The following PLPPR3 variants were observed in gnomAD, a reference collection of about 807,000 sequenced individuals.
PLPPR3 encodes the protein phospholipid phosphatase related 3, also known as phospholipid phosphatase-related protein type 3.
A neutral mutation model predicts 27.3 loss-of-function variants in PLPPR3; 14 were observed. The observed-to-expected ratio is 0.51, with a 90% CI of 0.34 to 0.80. The LOEUF is 0.80. PLPPR3 is among the 30% of genes least tolerant of loss of function. The pLI is 0.01. For synonymous variants in PLPPR3, 671 were observed against 508.0 expected, an observed-to-expected ratio of 1.32 and a Z score of -4.32; for missense variants, 1,287 against 1,056.9, an observed-to-expected ratio of 1.22 and a Z score of -3.02.
chr19:814,205 G>A (rs1431396339), intron 7 of PLPPR3, among the ~76,000 whole-genome samples: 1 of 146,020 alleles, frequency 6.8e-6, no homozygotes, highest in Non-Finnish European at 1.5e-5. Flanking sequence ...AGAGCCCCTG[G>A]GCACCCATGC....
chr19:814,612 G>T lies in PLPPR3; in HGVS notation c.658-5C>A. On this transcript the variant is annotated splice_region_variant and splice_polypyrimidine_tract_variant and intron_variant, in intron 6 of 7. Coordinates refer to ENST00000520876, the MANE Select transcript of PLPPR3 (RefSeq NM_001270366.2). The stretch of plus-strand genomic sequence containing the variant: ...GATGACCGAGTTGAAGTACATCTGG[G>T]GCATGGGGGTTGGGGTCAGGGAGGG... 6.2e-7 allele frequency: 1 copy of T among 1,611,810 alleles called. No individual in the cohort carries two copies. The highest frequency in any genetic ancestry group is 8.5e-7 in the Non-Finnish European group (1 of 1,179,974).
Position 813,229 on chromosome 19 carries a change from C to T in PLPPR3, c.1498G>A (p.Gly500Ser). 2.7e-6 allele frequency: 4 copies of T among 1,486,654 alleles called. No individual in the cohort carries two copies. The highest frequency in any genetic ancestry group is 3.5e-6 in the Non-Finnish European group (4 of 1,129,970). 92.1% of individuals were successfully genotyped at this position (1,486,654 alleles called of 1,614,324 possible). Residue 500 changes from glycine to serine, a missense_variant, in exon 8 of 8, where the codon GGC becomes AGC. Physicochemically the swap from Gly to Ser is moderately conservative, Grantham distance 56. Transcript: ENST00000520876. The surrounding 1 kb of genome is among the most constrained non-coding windows in gnomAD (Gnocchi z 4.1). ...GACAGGCCGGCCCCCGTCTGCGCGC[C>T]CTCCTCCGGGATGTGCACCAGCGGC... The part of the protein sequence containing the change: ...PPPLVHIPEE[G>S]AQTGAGLSPK...
rs373010079 is a variant in PLPPR3, at chr19:815,271, G to A, written c.318C>T (p.Ala106=). The A allele has an allele frequency of 3.9e-5, 61 of 1,558,968 alleles. No homozygotes were observed. The highest frequency in any genetic ancestry group is 2.3e-4 in the African/African-American group (17 of 73,254). Residue 106 remains alanine, a synonymous_variant, in exon 4 of 8, where the codon GCC becomes GCT. Transcript: ENST00000520876. ...YCLQSRLWGR[A]GGPAGAEGSI... ...TGCCCTCCGCCCCGGCGGGCCCCCC[G>A]GCACGGCCCCACAGCCGGGACTGCA...
At chr19:819,826 C>T (rs536916754) in intron 2 of PLPPR3, among the ~76,000 whole-genome samples, 72 of 152,142 alleles carry the variant, frequency 4.7e-4, no homozygotes, top group African/African-American at 1.7e-3. Context: ...CCTGGCCTGA[C>T]ATGCAAGGAT....
Position 813,455 on chromosome 19 carries a change from G to T in PLPPR3, c.1272C>A (p.Pro424=). Residue 424 remains proline, a synonymous_variant, in exon 8 of 8, where the codon CCC becomes CCA. Transcript: ENST00000520876. This position sits in a 1 kb window ranked among gnomAD's most constrained non-coding sequence, Gnocchi z 4.1. ...GCAGGTGCCCGGGGCTGGCGTCGTC[G>T]GGCAGCCCCAGGCCGCGGCCCTCCA... is the stretch of plus-strand genomic sequence containing the variant. ...KSLEGRGLGL[P]DDASPGHLRA... The T allele has an allele frequency of 6.5e-7, 1 of 1,530,848 alleles. No homozygotes were observed. The allele number at this position is 1,530,848 out of a possible 1,614,324, so 94.8% of individuals were successfully genotyped here. A position where few individuals can be genotyped will look rare whatever the true frequency, so the allele number is the denominator to read the frequency against.
At chr19:815,155 G>C (rs952170407) in intron 4 of PLPPR3, 31 bp downstream of exon 4, 1 of 1,601,614 alleles carries the variant, frequency 6.2e-7, no homozygotes, top group Non-Finnish European at 8.5e-7. Context: ...TGTGGAGGTA[G>C]CTCAGGGTCG....
chr19:816,213 C>A (rs948976681), intron 2 of PLPPR3, among the ~76,000 whole-genome samples: 1 of 150,522 alleles, frequency 6.6e-6, no homozygotes, highest in East Asian at 2.0e-4. Context: ...ATGCACCCAA[C>A]GGTACCCATC....
intron 2 of PLPPR3, among the ~76,000 whole-genome samples, chr19:816,842 C>G (rs1007469584): frequency 6.6e-6 from 1 of 151,328 alleles, no homozygotes; most frequent in East Asian, 2.0e-4. Flanking sequence ...GCCATTCATT[C>G]ATCTATCCAT....
chr19:815,016 A>T lies in PLPPR3; in HGVS notation c.469T>A (p.Tyr157Asn). Reference protein sequence around the residue: ...VTDVIQLATGYHTPFFLTVCK... With the variant: ...VTDVIQLATGNHTPFFLTVCK... ...ACGGTGAGGAAGAAGGGAGTGTGGT[A>T]ACCCGTGGCCAGCTGGATCACGTCC... The change falls in exon 5 of 8, where the codon TAC becomes AAC. Residue 157 changes from tyrosine to asparagine, a missense_variant. Coordinates refer to ENST00000520876, the MANE Select transcript of PLPPR3 (RefSeq NM_001270366.2). 6.2e-7 allele frequency: 1 copy of T among 1,611,304 alleles called. No individual in the cohort carries two copies. The highest frequency in any genetic ancestry group is 8.5e-7 in the Non-Finnish European group (1 of 1,179,936).
In PLPPR3 at chr19:812,615, G is replaced by A; in HGVS notation, c.2112C>T (p.Ala704=). The change falls in exon 8 of 8, where the codon GCC becomes GCT. Residue 704 remains alanine (A), a synonymous_variant. Coordinates refer to ENST00000520876, the MANE Select transcript of PLPPR3 (RefSeq NM_001270366.2). ...CCTGCATCTTGCGGAAGTAGCCCTC[G>A]GCCTCCGCCTCCGCCTCGCGCTCCG... The part of the protein sequence containing the change: ...GLAEREAEAE[A]EGYFRKMQAR... 9.0e-7 allele frequency: 1 copy of A among 1,107,178 alleles called. No homozygotes were observed. The highest frequency in any genetic ancestry group is 1.1e-6 in the Non-Finnish European group (1 of 900,330). The allele number at this position is 1,107,178 out of a possible 1,614,324, so 68.6% of individuals were successfully genotyped here. A position where few individuals can be genotyped will look rare whatever the true frequency, so the allele number is the denominator to read the frequency against.
upstream of PLPPR3, among the ~76,000 whole-genome samples, chr19:822,374 C>T (rs907318173): frequency 8.6e-5 from 13 of 151,582 alleles, no homozygotes; most frequent in African/African-American, 2.4e-4. Flanking sequence ...CGACTGCCCC[C>T]GCCCCGCGCC....
Position 813,828 on chromosome 19 carries a change from T to C in PLPPR3, c.899A>G (p.Lys300Arg). ...CTGCGTCAGGGCCCGCAGCGCGTCC[T>C]TGGCGGGGGCCGGGGCCGCGGGCTT... The part of the protein sequence containing the change: ...AEKPAAPAPA[K>R]DALRALTQRG... Residue 300 changes from lysine to arginine, a missense_variant, in exon 8 of 8, where the codon AAG becomes AGG. Coordinates refer to ENST00000520876, the MANE Select transcript of PLPPR3 (RefSeq NM_001270366.2). This position sits in a 1 kb window ranked among gnomAD's most constrained non-coding sequence, Gnocchi z 4.1. 1.3e-6 allele frequency: 2 copies of C among 1,491,754 alleles called. No individual in the cohort carries two copies. Among genetic ancestry groups the C allele is most frequent in the Non-Finnish European group, 1.8e-6 (2 of 1,128,870 alleles). The allele number at this position is 1,491,754 out of a possible 1,614,324, so 92.4% of individuals were successfully genotyped here.
chr19:812,541 G>GCCCCCCCCCCCC lies in PLPPR3; in HGVS notation c.*28_*29insGGGGGGGGGGGG. The stretch of plus-strand genomic sequence containing the variant: ...GCGCGGCCGCCCGCGCCCTCGGCCC[G>GCCCCCCCCCCCC]CCCCCCGCCCGCCCCCGGCCCCGCC... On this transcript the variant is annotated 3_prime_UTR_variant, in exon 8 of 8. Transcript: ENST00000520876. The GCCCCCCCCCCCC allele has an allele frequency of 1.6e-6, 1 of 617,396 alleles. No individual in the cohort carries two copies. Among genetic ancestry groups the GCCCCCCCCCCCC allele is most frequent in the Non-Finnish European group, 2.0e-6 (1 of 496,530 alleles). 38.2% of individuals were successfully genotyped at this position (617,396 alleles called of 1,614,324 possible).
At chr19:819,586 G>A (rs945279652) in intron 2 of PLPPR3, among the ~76,000 whole-genome samples, 3 of 152,080 alleles carry the variant, frequency 2.0e-5, no homozygotes, top group Non-Finnish European at 4.4e-5. Context: ...CACCATGCCC[G>A]TCCTGCAACA....
At chr19:819,279 C>CTTT (rs1252377454) in intron 2 of PLPPR3, among the ~76,000 whole-genome samples, 1 of 60,964 alleles carries the variant, frequency 1.6e-5, no homozygotes, top group African/African-American at 1.2e-4. Context: ...ACCCAGCCTA[C>CTTT]TTTTTTTTTT....
intron 2 of PLPPR3, among the ~76,000 whole-genome samples, chr19:816,194 T>C (rs1477300103): frequency 6.9e-6 from 1 of 144,836 alleles, no homozygotes. Flanking sequence ...ATCCACCCAT[T>C]CTCCACCCAT....
chr19:814,981 G>A lies in PLPPR3; in HGVS notation c.504C>T (p.Pro168=), dbSNP rs139402334. 2,091 of 1,612,576 alleles carry A rather than the reference G, an allele frequency of 1.3e-3. 6 individuals are homozygous for A. The highest frequency in any genetic ancestry group is 1.5e-3 in the Non-Finnish European group (1,820 of 1,179,960). The change falls in exon 5 of 8, where the codon CCC becomes CCT. Residue 168 remains proline, a synonymous_variant. Transcript: ENST00000520876. Reference sequence around the variant, plus strand: ...AGGACGTGCCCAGGAGAGTGTAGTTGGGCTTGCAGACGGTGAGGAAGAAGG... The same window carrying A: ...AGGACGTGCCCAGGAGAGTGTAGTTAGGCTTGCAGACGGTGAGGAAGAAGG... ...HTPFFLTVCK[P]NYTLLGTSCE... is the part of the protein sequence containing the mutation.
rs1168690218 is a variant in PLPPR3 at position 813,493 on chromosome 19, T to TC, written c.1233dup (p.Lys412GlufsTer?). 1.3e-6 allele frequency: 2 copies of TC among 1,551,204 alleles called. No homozygotes were observed. Among genetic ancestry groups the TC allele is most frequent in the Non-Finnish European group, 1.7e-6 (2 of 1,152,124 alleles). On this transcript the variant is annotated frameshift_variant, in exon 8 of 8. Coordinates refer to ENST00000520876, the MANE Select transcript of PLPPR3 (RefSeq NM_001270366.2). LOFTEE classifies it low-confidence loss of function (END_TRUNC). The surrounding 1 kb of genome is among the most constrained non-coding windows in gnomAD (Gnocchi z 4.1). ...CCGCGGCCCTCCAGGCTCTTCTGCT[T>TC]CCACTCGCTGATGAGCTGCTTGGAG...
chr19:815,979 C>T, intron 2 of PLPPR3, 128 bp from the exon 3 acceptor site: 1 of 864,800 alleles, frequency 1.2e-6, no homozygotes, highest in Non-Finnish European at 1.8e-6. Context: ...CTCCCAGCCA[C>T]TCTTTCCCCC....
Sources: gnomAD v4.1 joint callset for allele counts (sites outside exome capture counted in the v4.1 genomes callset) on GRCh38, gnomAD v4.1.1 for gene constraint, Gnocchi (gnomAD v3.1) non-coding constraint, MANE v1.5 for transcripts, NCBI Gene and HGNC (gene_info 2026-07-23, HGNC 2026-07-21) for gene names.